The following MAST4 variants were observed in gnomAD, a reference collection of about 807,000 sequenced individuals.
MAST4 encodes the protein microtubule associated serine/threonine kinase family member 4.
MAST4 carries 89 observed loss-of-function variants against 162.7 expected under a neutral mutation model. The ratio of observed to expected loss-of-function variants is 0.55; its 90% CI spans 0.46 to 0.65. MAST4 has a LOEUF of 0.65. MAST4 is among the 30% of genes least tolerant of loss of function. The probability of loss-of-function intolerance (pLI) is 0.00; values close to 1 mark genes in which losing one functional copy is unlikely to be tolerated. For synonymous variants in MAST4, 1,479 were observed against 1,361.1 expected (o/e 1.09, Z -1.91); for missense variants, 3,153 against 3,374.0 (o/e 0.93, Z 1.62).
At chr5:66,739,799 A>T (rs1752378248) in intron 1 of MAST4, among the ~76,000 whole-genome samples, 1 of 150,698 alleles carries the variant, frequency 6.6e-6, no homozygotes, top group Non-Finnish European at 1.5e-5. Context: ...GCATTTTTGT[A>T]CATGTTTTTT....
chr5:66,631,144 G>A (rs1470350281), intron 1 of MAST4, among the ~76,000 whole-genome samples: 1 of 152,112 alleles, frequency 6.6e-6, no homozygotes, highest in Non-Finnish European at 1.5e-5. Flanking sequence ...AGTATTGTGG[G>A]CTAGTTAGAA....
intron 5 of MAST4, among the ~76,000 whole-genome samples, chr5:67,081,085 T>TATATA (rs550175227): frequency 0.098 from 6,223 of 63,194 alleles, 1,672 homozygotes; most frequent in African/African-American, 0.34. Flanking sequence ...TTGTATATAT[T>TATATA]ATATAATATA....
At chr5:67,004,470 C>A (rs902166626) in intron 4 of MAST4, 7 of 152,668 alleles carry the variant, frequency 4.6e-5, no homozygotes, top group Non-Finnish European at 8.8e-5. Context: ...TATTCAAATT[C>A]TTTTCCTTGT....
chr5:66,963,935 A>T (rs1746333153), intron 4 of MAST4: 2 of 728,226 alleles, frequency 2.7e-6, no homozygotes, highest in Non-Finnish European at 5.1e-6. Context: ...GACTTACTTG[A>T]TCACTTACTC....
chr5:66,986,620 T>TATA (rs58502962), intron 4 of MAST4: 15,846 of 178,190 alleles, frequency 0.089, 748 homozygotes, highest in Middle Eastern at 0.12. Context: ...ATATATATAT[T>TATA]TATTTATTTA....
At chr5:66,908,267 G>C (rs1408939247) in intron 4 of MAST4, among the ~76,000 whole-genome samples, 3 of 152,050 alleles carry the variant, frequency 2.0e-5, no homozygotes, top group Non-Finnish European at 4.4e-5. Context: ...AGAGATTTAG[G>C]GTATAGAAAC....
intron 5 of MAST4, among the ~76,000 whole-genome samples, chr5:67,073,324 CTTA>C (rs1410568444): frequency 6.6e-6 from 1 of 152,148 alleles, no homozygotes; most frequent in East Asian, 1.9e-4. Flanking sequence ...GGCAGGTCTT[CTTA>C]TTATTGCATT....
At chr5:66,684,078 CT>C (rs1310015497) in intron 1 of MAST4, among the ~76,000 whole-genome samples, 3 of 152,192 alleles carry the variant, frequency 2.0e-5, no homozygotes, top group African/African-American at 4.8e-5. Context: ...ATGTGGCCGT[CT>C]ATTTTAAAAG....
rs551636126 is a variant in MAST4 at position 66,928,244 on chromosome 5, A to G, written c.674+28262A>G. ...GAAGGCAGATTCTATCTGCCAGTAG[A>G]CATGGCCCAATTGAGCATGTTGTGG... On this transcript the variant is annotated intron_variant, in intron 4 of 28. Coordinates refer to ENST00000403625, the MANE Select transcript of MAST4 (RefSeq NM_001164664.2). 7.2e-5 allele frequency among the ~76,000 whole-genome samples: 11 copies of G among 152,324 alleles called. No individual in the cohort carries two copies. In the South Asian group the frequency reaches 1.9e-3, roughly 26 times the overall value.
At chr5:67,011,919 C>T (rs964519676) in intron 4 of MAST4, among the ~76,000 whole-genome samples, 3 of 151,990 alleles carry the variant, frequency 2.0e-5, no homozygotes, top group African/African-American at 7.3e-5. Flanking sequence ...AAGTAGATTT[C>T]AAAAGAAATT....
intron 3 of MAST4, among the ~76,000 whole-genome samples, chr5:66,859,820 C>A (rs1467594654): frequency 6.6e-6 from 1 of 152,206 alleles, no homozygotes; most frequent in Non-Finnish European, 1.5e-5. Context: ...GAGTGCCGTG[C>A]TGCCTAAGGG....
intron 1 of MAST4, among the ~76,000 whole-genome samples, chr5:66,654,627 A>G (rs1254725546): frequency 6.6e-6 from 1 of 152,246 alleles, no homozygotes; most frequent in Non-Finnish European, 1.5e-5. Flanking sequence ...AAAATTAAGA[A>G]ATGAAGTTTA....
intron 4 of MAST4, among the ~76,000 whole-genome samples, chr5:66,989,705 C>A (rs913263834): frequency 4.6e-5 from 7 of 151,916 alleles, no homozygotes; most frequent in African/African-American, 1.7e-4. Flanking sequence ...TCACACTAAG[C>A]AAAATTTTTT....
At chr5:67,018,500 A>G (rs900334063) in intron 4 of MAST4, among the ~76,000 whole-genome samples, 26 of 152,096 alleles carry the variant, frequency 1.7e-4, no homozygotes, top group African/African-American at 6.3e-4. Flanking sequence ...GGGCAACAGA[A>G]CAAGACCCTG....
intron 4 of MAST4, among the ~76,000 whole-genome samples, chr5:66,901,657 A>C (rs375605473): frequency 1.3e-5 from 2 of 152,296 alleles, no homozygotes; most frequent in East Asian, 3.9e-4. Flanking sequence ...TCAGAAGATG[A>C]GCATGAAGCA....
At chr5:66,767,170 C>CGTGTGTGTGTGTGTGT (rs60766673) in intron 2 of MAST4, among the ~76,000 whole-genome samples, 27 of 139,562 alleles carry the variant, frequency 1.9e-4, no homozygotes, top group African/African-American at 7.1e-4. Flanking sequence ...GTAAAGTGCA[C>CGTGTGTGTGTGTGTGT]GTGTGTGTGT....
chr5:66,602,729 GT>G (rs1742636810), intron 1 of MAST4, among the ~76,000 whole-genome samples: 1 of 152,120 alleles, frequency 6.6e-6, no homozygotes, highest in Non-Finnish European at 1.5e-5. Flanking sequence ...GTGTTTTCTG[GT>G]TATGTTCTTA....
chr5:66,684,069 T>C (rs570760291), intron 1 of MAST4, among the ~76,000 whole-genome samples: 2 of 152,342 alleles, frequency 1.3e-5, no homozygotes, highest in African/African-American at 2.4e-5. Context: ...TAAGTACTAA[T>C]GTGGCCGTCT....
intron 1 of MAST4, among the ~76,000 whole-genome samples, chr5:66,623,622 A>G (rs920268399): frequency 6.6e-6 from 1 of 152,250 alleles, no homozygotes; most frequent in Non-Finnish European, 1.5e-5. Context: ...CATAAGAGGA[A>G]CTTAGTAAAA....
Sources: allele counts gnomAD v4.1 joint callset (sites outside exome capture counted in the v4.1 genomes callset), GRCh38; gene constraint gnomAD v4.1.1; transcripts MANE v1.5; gene names NCBI Gene and HGNC (gene_info 2026-07-23, HGNC 2026-07-21).